Variants in HHAT observed in about 807,000 individuals in gnomAD.
The protein encoded by HHAT is protein-cysteine N-palmitoyltransferase HHAT.
A neutral mutation model predicts 70.8 loss-of-function variants in HHAT; 47 were observed. That is an observed-to-expected ratio of 0.66 (90% CI 0.53 to 0.85). The LOEUF (loss-of-function observed/expected upper bound fraction) is 0.85, where lower values mean the gene tolerates loss of function less well. HHAT is among the 40% of genes least tolerant of loss of function. HHAT has a pLI of 0.00. For synonymous variants in HHAT, 228 were observed against 247.6 expected, an observed-to-expected ratio of 0.92 and a Z score of 0.74; for missense variants, 609 against 604.8, an observed-to-expected ratio of 1.01 and a Z score of -0.07.
chr1:210,602,751 T>C (rs146577701), intron 10 of HHAT, among the ~76,000 whole-genome samples: 2 of 152,300 alleles, frequency 1.3e-5, no homozygotes, highest in East Asian at 1.9e-4. Flanking sequence ...CGTGTTGTTA[T>C]GAACGGTGTG....
intron 11 of HHAT, among the ~76,000 whole-genome samples, chr1:210,638,722 C>CAAAAAAAAAAAAAAAAAAAA (rs71146238): frequency 1.0e-5 from 1 of 95,264 alleles, no homozygotes. Context: ...CCTGTATTTA[C>CAAAAAAAAAAAAAAAAAAAA]AAAAAAAAAA....
At chr1:210,352,368 A>C (rs896657222) in intron 2 of HHAT, among the ~76,000 whole-genome samples, 1 of 152,198 alleles carries the variant, frequency 6.6e-6, no homozygotes, top group Non-Finnish European at 1.5e-5. Context: ...AGTATGTTCA[A>C]CTGATACAAT....
intron 11 of HHAT, among the ~76,000 whole-genome samples, chr1:210,661,790 C>T (rs904492462): frequency 1.3e-5 from 2 of 152,134 alleles, no homozygotes; most frequent in Non-Finnish European, 2.9e-5. Context: ...TCTGAGCAAA[C>T]TATCACCGTA....
intron 10 of HHAT, among the ~76,000 whole-genome samples, chr1:210,619,195 C>T (rs935853358): frequency 5.3e-5 from 8 of 152,148 alleles, no homozygotes; most frequent in African/African-American, 1.4e-4. Context: ...CCCCGACCCA[C>T]CCCCTGTCAT....
chr1:210,410,379 C>T (rs959832128), intron 6 of HHAT, among the ~76,000 whole-genome samples: 2 of 148,090 alleles, frequency 1.4e-5, no homozygotes, highest in African/African-American at 5.0e-5. Context: ...AAAAGACAGT[C>T]AACTAGATTG....
intron 9 of HHAT, among the ~76,000 whole-genome samples, chr1:210,528,123 A>G (rs1303274623): frequency 1.3e-5 from 2 of 152,192 alleles, no homozygotes; most frequent in Non-Finnish European, 2.9e-5. Context: ...AGGTGATCAT[A>G]TGCATATCTG....
chr1:210,330,653 ACCTGCACCC>A (rs1289189721), intron 1 of HHAT, among the ~76,000 whole-genome samples: 1 of 152,132 alleles, frequency 6.6e-6, no homozygotes, highest in Non-Finnish European at 1.5e-5. Flanking sequence ...CATGGGCCTT[ACCTGCACCC>A]CCTGCTTCCA....
intron 9 of HHAT, among the ~76,000 whole-genome samples, chr1:210,531,875 G>A (rs544910219): frequency 6.6e-6 from 1 of 152,328 alleles, no homozygotes; most frequent in South Asian, 2.1e-4. Context: ...AGTGGCAAGG[G>A]TGGGATAATC....
At chr1:210,423,424 TGA>T (rs558454679) in intron 7 of HHAT, among the ~76,000 whole-genome samples, 3 of 152,174 alleles carry the variant, frequency 2.0e-5, no homozygotes, top group Non-Finnish European at 2.9e-5. Context: ...AGTTTGCTGT[TGA>T]GATGTCTGAG....
intron 8 of HHAT, among the ~76,000 whole-genome samples, chr1:210,473,834 C>A (rs2094253150): frequency 6.6e-6 from 1 of 152,198 alleles, no homozygotes; most frequent in African/African-American, 2.4e-5. Flanking sequence ...TGCTGGTCTT[C>A]AAGCTTCTGG....
intron 11 of HHAT, among the ~76,000 whole-genome samples, chr1:210,635,430 A>G (rs1462059217): frequency 6.6e-6 from 1 of 152,116 alleles, no homozygotes; most frequent in East Asian, 1.9e-4. Flanking sequence ...GGATTTTTGC[A>G]AGAGAGTGAC....
chr1:210,464,807 C>A, intron 8 of HHAT, 152 bp downstream of exon 8: 6 of 719,558 alleles, frequency 8.3e-6, no homozygotes, highest in Non-Finnish European at 1.1e-5. Context: ...AACAGGATGA[C>A]TAATCCATGC....
chr1:210,417,548 TC>T (rs2092760117), intron 6 of HHAT, among the ~76,000 whole-genome samples: 1 of 152,246 alleles, frequency 6.6e-6, no homozygotes, highest in Non-Finnish European at 1.5e-5. Flanking sequence ...TTTTACATTT[TC>T]TAAAGTCTGT....
intron 8 of HHAT, among the ~76,000 whole-genome samples, chr1:210,500,588 A>G (rs1210477281): frequency 6.6e-6 from 1 of 152,150 alleles, no homozygotes; most frequent in Admixed American, 6.5e-5. Context: ...TGTAAGTCAT[A>G]TATCCTTGTT....
At chr1:210,625,823 A>C (rs1361854175) in intron 11 of HHAT, among the ~76,000 whole-genome samples, 1 of 152,180 alleles carries the variant, frequency 6.6e-6, no homozygotes, top group African/African-American at 2.4e-5. Context: ...TGCTGGCATC[A>C]TGGAGGGGAA....
At chr1:210,602,626 C>T (rs76761364) in intron 10 of HHAT, among the ~76,000 whole-genome samples, 1,751 of 152,246 alleles carry the variant, frequency 0.012, 36 homozygotes, top group African/African-American at 0.039. Flanking sequence ...GAACAGAAAC[C>T]ACTTAACCAA....
intron 9 of HHAT, among the ~76,000 whole-genome samples, chr1:210,573,301 C>T (rs1383955337): frequency 6.6e-6 from 1 of 152,190 alleles, no homozygotes. Flanking sequence ...ATCTGCTCTG[C>T]CCTGCTCTGT....
At chr1:210,561,586 G>A (rs17016455) in intron 9 of HHAT, among the ~76,000 whole-genome samples, 9,090 of 152,144 alleles carry the variant, frequency 0.06, 866 homozygotes, top group African/African-American at 0.2. Flanking sequence ...TTTTACTGCT[G>A]CTCTGTATGC....
intron 10 of HHAT, among the ~76,000 whole-genome samples, chr1:210,601,769 A>C (rs55871444): frequency 0.17 from 26,148 of 152,142 alleles, 2,768 homozygotes; most frequent in Admixed American, 0.24. Context: ...GCTTCTCTCT[A>C]TGAAGAGCTA....
Sources: gnomAD v4.1 joint callset for allele counts (sites outside exome capture counted in the v4.1 genomes callset) on GRCh38, gnomAD v4.1.1 for gene constraint, MANE v1.5 for transcripts, NCBI Gene and HGNC (gene_info 2026-07-23, HGNC 2026-07-21) for gene names.